Variants in NELL2 observed in about 807,000 individuals in gnomAD.
The protein encoded by NELL2 is protein kinase C-binding protein NELL2.
In NELL2, 41 loss-of-function variants were observed where a neutral mutation model predicts 109.6. That is an observed-to-expected ratio of 0.37 (90% confidence interval 0.29 to 0.49). The LOEUF is 0.49. Among genes scored for constraint, NELL2 ranks in the 20% least tolerant of loss-of-function variants. NELL2 has a pLI of 0.98. For synonymous variants in NELL2, 355 were observed against 344.7 expected, an observed-to-expected ratio of 1.03 and a Z score of -0.33; for missense variants, 900 against 1,008.3, an observed-to-expected ratio of 0.89 and a Z score of 1.45.
At chr12:44,670,731 A>G (rs1313537227) in intron 12 of NELL2, among the ~76,000 whole-genome samples, 2 of 152,036 alleles carry the variant, frequency 1.3e-5, no homozygotes, top group African/African-American at 2.4e-5. Context: ...TGACAAAGGA[A>G]TCAATTCAGT....
At chr12:44,872,912 G>A (rs1945206420) in intron 2 of NELL2, among the ~76,000 whole-genome samples, 1 of 152,072 alleles carries the variant, frequency 6.6e-6, no homozygotes, top group Non-Finnish European at 1.5e-5. Flanking sequence ...TCTCTCTAAA[G>A]CCAAAGGAAA....
chr12:44,901,421 A>G (rs903693263), intron 1 of NELL2, among the ~76,000 whole-genome samples: 45 of 152,210 alleles, frequency 3.0e-4, no homozygotes, highest in Admixed American at 2.9e-3. Context: ...CCTACAAACA[A>G]AAACCAGCCT....
At chr12:44,671,258 C>T (rs1436261301) in intron 12 of NELL2, among the ~76,000 whole-genome samples, 1 of 152,064 alleles carries the variant, frequency 6.6e-6, no homozygotes, top group African/African-American at 2.4e-5. Flanking sequence ...AATGAAAGCA[C>T]AACACAGCAA....
chr12:44,634,686 C>T (rs1305388808), intron 13 of NELL2, among the ~76,000 whole-genome samples: 1 of 151,978 alleles, frequency 6.6e-6, no homozygotes, highest in East Asian at 1.9e-4. Flanking sequence ...GGGTATATAC[C>T]CAGTAATGGG....
intron 13 of NELL2, among the ~76,000 whole-genome samples, chr12:44,638,759 C>T (rs1413504028): frequency 6.6e-6 from 1 of 152,158 alleles, no homozygotes; most frequent in Non-Finnish European, 1.5e-5. Context: ...TTGCTTTGTT[C>T]AACAGCATCT....
intron 9 of NELL2, among the ~76,000 whole-genome samples, chr12:44,739,047 C>T (rs187391492): frequency 1.3e-5 from 2 of 151,750 alleles, no homozygotes; most frequent in Admixed American, 1.3e-4. Flanking sequence ...CACACACATC[C>T]ATACACACAC....
chr12:44,866,499 A>G (rs969466484), intron 2 of NELL2, among the ~76,000 whole-genome samples: 2 of 152,202 alleles, frequency 1.3e-5, no homozygotes, highest in African/African-American at 4.8e-5. Flanking sequence ...AGGTAAGTTT[A>G]TAGCAACAAA....
chr12:44,708,368 G>A (rs1001214141), intron 11 of NELL2, among the ~76,000 whole-genome samples: 1 of 152,156 alleles, frequency 6.6e-6, no homozygotes, highest in Non-Finnish European at 1.5e-5. Context: ...ACCACTGGCT[G>A]AGCCTCTAGT....
chr12:44,536,371 T>C (rs1177860342), intron 15 of NELL2, among the ~76,000 whole-genome samples: 1 of 152,058 alleles, frequency 6.6e-6, no homozygotes, highest in Non-Finnish European at 1.5e-5. Context: ...TCATATTGTG[T>C]TTCACATATT....
intron 15 of NELL2, among the ~76,000 whole-genome samples, chr12:44,560,354 A>G (rs1943422367): frequency 6.6e-6 from 1 of 152,230 alleles, no homozygotes; most frequent in South Asian, 2.1e-4. Context: ...AGATAGAGAC[A>G]TTAAAAACCT....
intron 9 of NELL2, among the ~76,000 whole-genome samples, chr12:44,747,259 T>G (rs572078370): frequency 1.3e-5 from 2 of 148,708 alleles, no homozygotes; most frequent in South Asian, 4.3e-4. Context: ...TGAGAACACA[T>G]GGACACAGGA....
intron 9 of NELL2, among the ~76,000 whole-genome samples, chr12:44,770,764 C>G (rs960324253): frequency 6.6e-6 from 1 of 152,188 alleles, no homozygotes; most frequent in South Asian, 2.1e-4. Context: ...TGAGAACTCT[C>G]TAACAATGGA....
chr12:44,610,039 G>A (rs1945552695), intron 14 of NELL2, among the ~76,000 whole-genome samples: 1 of 151,878 alleles, frequency 6.6e-6, no homozygotes, highest in African/African-American at 2.4e-5. Context: ...TACAGTGGGG[G>A]AAAAGGCGAG....
chr12:44,661,256 G>C (rs1305727914), intron 13 of NELL2, among the ~76,000 whole-genome samples: 1 of 152,240 alleles, frequency 6.6e-6, no homozygotes. Flanking sequence ...GATGTTGGAG[G>C]TGGGCCAGCT....
rs540712859 is a variant in NELL2 at position 44,646,067 on chromosome 12, C to CT, written c.1444+19416dup. On this transcript the variant is annotated intron_variant, in intron 13 of 19. Coordinates refer to ENST00000429094, the MANE Select transcript of NELL2 (RefSeq NM_001145108.2). ...GATTATAAAGTCTGCAAGGGTATGT[C>CT]TTTTTTTTTTATCCTCCATAGCATC... is the stretch of plus-strand genomic sequence containing the variant. 4.4e-3 allele frequency among the ~76,000 whole-genome samples: 656 copies of CT among 149,088 alleles called. 2 individuals carry two copies. Among genetic ancestry groups the CT allele is most frequent in the African/African-American group, 0.014 (580 of 40,766 alleles).
At chr12:44,705,739 C>T (rs890088719) in intron 11 of NELL2, among the ~76,000 whole-genome samples, 10 of 152,114 alleles carry the variant, frequency 6.6e-5, no homozygotes, top group Non-Finnish European at 1.5e-4. Context: ...AACAAAGTTA[C>T]TAAAAAATAG....
chr12:44,875,035 A>C, intron 2 of NELL2, 190 bp downstream of exon 2: 2 of 665,934 alleles, frequency 3.0e-6, no homozygotes, highest in South Asian at 4.5e-5. Flanking sequence ...TACGAAGGAG[A>C]AGGGTGAGGC....
At chr12:44,576,671 G>A (rs1200362888) in intron 15 of NELL2, among the ~76,000 whole-genome samples, 1 of 151,956 alleles carries the variant, frequency 6.6e-6, no homozygotes, top group Non-Finnish European at 1.5e-5. Flanking sequence ...CTAGCATTAG[G>A]TATATCTCCC....
intron 3 of NELL2, among the ~76,000 whole-genome samples, chr12:44,790,752 C>G (rs11182681): frequency 0.13 from 19,658 of 151,736 alleles, 1,390 homozygotes; most frequent in South Asian, 0.2. Context: ...AACCAACTCT[C>G]TGCTGCCTTC....
Sources: gnomAD v4.1 joint callset for allele counts (sites outside exome capture counted in the v4.1 genomes callset) on GRCh38, gnomAD v4.1.1 for gene constraint, MANE v1.5 for transcripts, NCBI Gene and HGNC (gene_info 2026-07-23, HGNC 2026-07-21) for gene names.